B3GALT1: variants seen among roughly 807,000 people sequenced by gnomAD.
B3GALT1 encodes the protein UDP-Gal:betaGlcNAc beta 1,3-galactosyltransferase, polypeptide 1.
B3GALT1 carries 10 observed loss-of-function variants against 23.2 expected under a neutral mutation model. That is an observed-to-expected ratio of 0.43 (90% CI 0.27 to 0.73). The LOEUF (loss-of-function observed/expected upper bound fraction) is 0.73. Among genes scored for constraint, B3GALT1 ranks in the 30% least tolerant of loss-of-function variants. The pLI is 0.21. For missense variants in B3GALT1, 299 were observed against 405.4 expected (o/e 0.74, Z 2.25); for synonymous variants, 156 against 141.5 (o/e 1.10, Z -0.73).
intron 1 of B3GALT1, among the ~76,000 whole-genome samples, chr2:167,452,407 T>C (rs1226014067): frequency 6.6e-6 from 1 of 152,120 alleles, no homozygotes; most frequent in Non-Finnish European, 1.5e-5. Context: ...TTCACTCGGC[T>C]CTCTAAATTT....
At chr2:167,852,271 A>C (rs1248555223) in intron 4 of B3GALT1, among the ~76,000 whole-genome samples, 1 of 152,168 alleles carries the variant, frequency 6.6e-6, no homozygotes, top group African/African-American at 2.4e-5. Flanking sequence ...CAATTTACAC[A>C]TTACTGCTCT....
At chr2:167,768,864 A>C (rs1179050403) in intron 3 of B3GALT1, among the ~76,000 whole-genome samples, 1 of 152,226 alleles carries the variant, frequency 6.6e-6, no homozygotes, top group Non-Finnish European at 1.5e-5. Flanking sequence ...AACAATAGCC[A>C]AGGTGCCTTT....
chr2:167,694,907 T>G (rs1686769395), intron 3 of B3GALT1, among the ~76,000 whole-genome samples: 1 of 152,142 alleles, frequency 6.6e-6, no homozygotes, highest in Admixed American at 6.5e-5. Flanking sequence ...TGTCTACTTC[T>G]CTCTTTTTAA....
chr2:167,308,596 GCTA>G (rs2105484514), intron 1 of B3GALT1, among the ~76,000 whole-genome samples: 1 of 152,018 alleles, frequency 6.6e-6, no homozygotes, highest in African/African-American at 2.4e-5. Context: ...AAGAGATTTG[GCTA>G]CTACTATCTA....
At chr2:167,640,442 TTC>T (rs1685630045) in intron 2 of B3GALT1, among the ~76,000 whole-genome samples, 1 of 152,136 alleles carries the variant, frequency 6.6e-6, no homozygotes, top group South Asian at 2.1e-4. Flanking sequence ...ATATATTTTT[TTC>T]TCTTACGGCT....
intron 3 of B3GALT1, among the ~76,000 whole-genome samples, chr2:167,740,670 T>A (rs948416683): frequency 5.3e-5 from 8 of 152,228 alleles, no homozygotes; most frequent in Non-Finnish European, 1.0e-4. Flanking sequence ...AAGAAGCAGA[T>A]GAAATTCATC....
chr2:167,594,396 A>G (rs1032206074), intron 2 of B3GALT1, among the ~76,000 whole-genome samples: 4 of 152,204 alleles, frequency 2.6e-5, no homozygotes, highest in African/African-American at 9.7e-5. Context: ...TTCCAGATCA[A>G]TTGACTGACT....
chr2:167,435,433 C>CAAAAAAAAAAAAAAAA (rs1159357073), intron 1 of B3GALT1, among the ~76,000 whole-genome samples: 1 of 26,212 alleles, frequency 3.8e-5, no homozygotes, highest in Non-Finnish European at 8.7e-5. Context: ...CATATGCTTG[C>CAAAAAAAAAAAAAAAA]AAAAAAAAAA....
chr2:167,742,165 T>G (rs2105277300), intron 3 of B3GALT1, among the ~76,000 whole-genome samples: 1 of 152,346 alleles, frequency 6.6e-6, no homozygotes, highest in South Asian at 2.1e-4. Flanking sequence ...TATATCAGTG[T>G]TTTTCACTCT....
chr2:167,579,448 C>CTTTTTTTTTTTTTTTTTTTTTT (rs1558913471), intron 2 of B3GALT1, among the ~76,000 whole-genome samples: 4 of 113,324 alleles, frequency 3.5e-5, no homozygotes, highest in African/African-American at 1.3e-4. Context: ...TTTTTTTTTT[C>CTTTTTTTTTTTTTTTTTTTTTT]CATTTAAATT....
intron 3 of B3GALT1, among the ~76,000 whole-genome samples, chr2:167,684,354 G>A (rs914044753): frequency 2.0e-5 from 3 of 152,196 alleles, no homozygotes; most frequent in African/African-American, 7.2e-5. Context: ...CTCCAAGCCT[G>A]AAACATTACC....
At chr2:167,435,200 C>G (rs1450653581) in intron 1 of B3GALT1, among the ~76,000 whole-genome samples, 1 of 151,506 alleles carries the variant, frequency 6.6e-6, no homozygotes, top group South Asian at 2.1e-4. Flanking sequence ...TTACAACAAC[C>G]TTTGCTTGAT....
At chr2:167,379,787 T>C (rs73021706) in intron 1 of B3GALT1, among the ~76,000 whole-genome samples, 4,792 of 152,326 alleles carry the variant, frequency 0.031, 252 homozygotes, top group African/African-American at 0.11. Context: ...TGGTAGGCAC[T>C]GGCACCAGTG....
At chr2:167,492,349 A>G (rs1329716074) in intron 2 of B3GALT1, among the ~76,000 whole-genome samples, 1 of 152,156 alleles carries the variant, frequency 6.6e-6, no homozygotes, top group African/African-American at 2.4e-5. Flanking sequence ...ATTTCATTGG[A>G]CGGATGTACC....
At chr2:167,824,082 G>A (rs1208704784) in intron 4 of B3GALT1, among the ~76,000 whole-genome samples, 1 of 152,186 alleles carries the variant, frequency 6.6e-6, no homozygotes, top group Non-Finnish European at 1.5e-5. Flanking sequence ...AAGTTGGGAA[G>A]AATATTCCAA....
intron 3 of B3GALT1, among the ~76,000 whole-genome samples, chr2:167,737,704 C>T (rs1195510650): frequency 6.6e-6 from 1 of 152,190 alleles, no homozygotes; most frequent in Admixed American, 6.5e-5. Flanking sequence ...AGACCATCTC[C>T]AAGGTTCTTT....
intron 2 of B3GALT1, among the ~76,000 whole-genome samples, chr2:167,572,029 TGATGCAATG>T (rs1377170217): frequency 2.0e-5 from 3 of 151,846 alleles, no homozygotes; most frequent in African/African-American, 7.2e-5. Flanking sequence ...TCTCTTATAT[TGATGCAATG>T]TTAAATCAGT....
chr2:167,544,127 G>A (rs1222997768), intron 2 of B3GALT1, among the ~76,000 whole-genome samples: 1 of 152,192 alleles, frequency 6.6e-6, no homozygotes, highest in Non-Finnish European at 1.5e-5. Context: ...GAAGAAATCT[G>A]CTTAGAGCTC....
At chr2:167,486,814 A>G (rs989401017) in intron 1 of B3GALT1, among the ~76,000 whole-genome samples, 2 of 152,176 alleles carry the variant, frequency 1.3e-5, no homozygotes, top group Non-Finnish European at 2.9e-5. Context: ...AAAAGAAAGA[A>G]TAGAAAGCAA....
Sources: allele counts gnomAD v4.1 joint callset (sites outside exome capture counted in the v4.1 genomes callset), GRCh38; gene constraint gnomAD v4.1.1; transcripts MANE v1.5; gene names NCBI Gene and HGNC (gene_info 2026-07-23, HGNC 2026-07-21).